Variants in SRGAP3 observed in about 807,000 individuals in gnomAD.
SRGAP3 encodes the protein SLIT-ROBO Rho GTPase-activating protein 3.
In SRGAP3, 39 loss-of-function variants were observed where a neutral mutation model predicts 121.1. That is an observed-to-expected ratio of 0.32 (90% CI 0.25 to 0.42). SRGAP3 has a LOEUF of 0.42. SRGAP3 is among the 10% of genes least tolerant of loss of function. The probability of loss-of-function intolerance (pLI) is 1.00; values close to 1 mark genes in which losing one functional copy is unlikely to be tolerated. For missense variants in SRGAP3, 1,213 were observed against 1,470.6 expected, an observed-to-expected ratio of 0.82 and a Z score of 2.86; for synonymous variants, 601 against 570.0, an observed-to-expected ratio of 1.05 and a Z score of -0.77.
At chr3:9,035,162 A>G (rs1176924219) in intron 11 of SRGAP3, 2 of 152,212 alleles carry the variant, frequency 1.3e-5, no homozygotes, top group African/African-American at 2.4e-5. Context: ...ATCCAGAAGT[A>G]ACATTAAATT....
chr3:9,068,033 T>TCCACATCCACA, intron 4 of SRGAP3, among the ~76,000 whole-genome samples: 1 of 152,202 alleles, frequency 6.6e-6, no homozygotes, highest in Non-Finnish European at 1.5e-5. Context: ...CTTCTCGACA[T>TCCACATCCACA]GTCCCTCCAC....
At chr3:9,084,600 T>C (rs1005884091) in intron 3 of SRGAP3, among the ~76,000 whole-genome samples, 5 of 152,142 alleles carry the variant, frequency 3.3e-5, no homozygotes, top group African/African-American at 1.2e-4. Context: ...CAAGTCACTT[T>C]CAGCTGGGGT....
rs768810116 is a variant in SRGAP3 at position 9,072,380 on chromosome 3, C to A, written c.486+7645G>T. ...TAAGGCACCTGTCATAGTGTGCAGC[C>A]ACATCTCGTGGTCTGGATATGCTGA... On this transcript the variant is annotated intron_variant, in intron 4 of 21. Transcript: ENST00000383836. 5.0e-4 allele frequency among the ~76,000 whole-genome samples: 76 copies of A among 152,244 alleles called. 4 individuals are homozygous for A. The highest frequency in any genetic ancestry group is 1.5e-4 in the Non-Finnish European group (10 of 68,044).
At chr3:9,255,769 C>T (rs1444104376) in intron 3 of SRGAP3, among the ~76,000 whole-genome samples, 2 of 152,160 alleles carry the variant, frequency 1.3e-5, no homozygotes, top group African/African-American at 2.4e-5. Flanking sequence ...CTAACGAAAA[C>T]AATGCAGGAA....
intron 1 of SRGAP3, among the ~76,000 whole-genome samples, chr3:9,199,199 T>C (rs567288191): frequency 3.9e-5 from 6 of 152,328 alleles, no homozygotes; most frequent in Non-Finnish European, 7.3e-5. Context: ...GCATTTGCAA[T>C]GGGCTTAATC....
chr3:9,253,133 G>A (rs566054980), upstream of SRGAP3, among the ~76,000 whole-genome samples: 25 of 152,220 alleles, frequency 1.6e-4, no homozygotes, highest in African/African-American at 5.5e-4. Context: ...TTGGGTAAAC[G>A]GAGGCCAAGA....
chr3:9,079,873 A>G, intron 4 of SRGAP3, 152 bp downstream of exon 4: 1 of 710,496 alleles, frequency 1.4e-6, no homozygotes, highest in Non-Finnish European at 2.4e-6. Flanking sequence ...GTGAGTCATT[A>G]CATCCTGACA....
intron 1 of SRGAP3, among the ~76,000 whole-genome samples, chr3:9,188,798 C>A (rs901255985): frequency 6.6e-6 from 1 of 152,166 alleles, no homozygotes; most frequent in Non-Finnish European, 1.5e-5. Flanking sequence ...ATAATTAGTG[C>A]ATGATAATAA....
chr3:9,276,208 C>A (rs1465162655), intron 3 of SRGAP3, among the ~76,000 whole-genome samples: 3 of 152,200 alleles, frequency 2.0e-5, no homozygotes, highest in Non-Finnish European at 2.9e-5. Flanking sequence ...GAGCCCAGGT[C>A]AGCCACTCTT....
At chr3:8,992,721 G>T (rs1574860824) in intron 20 of SRGAP3, 185 bp downstream of exon 20, 3 of 902,746 alleles carry the variant, frequency 3.3e-6, no homozygotes, top group East Asian at 5.1e-5. Flanking sequence ...AACACAGGCT[G>T]GATGGTTCTA....
chr3:9,075,071 A>AT (rs1166411564), intron 4 of SRGAP3, among the ~76,000 whole-genome samples: 1 of 152,222 alleles, frequency 6.6e-6, no homozygotes, highest in East Asian at 1.9e-4. Flanking sequence ...ATCTGAACAC[A>AT]TTTTTAGCCG....
At chr3:9,028,271 C>A in intron 12 of SRGAP3, 1 of 1,202,688 alleles carries the variant, frequency 8.3e-7, no homozygotes, top group Non-Finnish European at 1.2e-6. Flanking sequence ...CCTGGGGAGC[C>A]TGCCAAACAG....
At chr3:9,007,699 C>T (rs924112041) in intron 18 of SRGAP3, 1 of 152,112 alleles carries the variant, frequency 6.6e-6, no homozygotes, top group Admixed American at 6.6e-5. Context: ...CATTTTAACC[C>T]ATGCCATAAT....
At chr3:9,123,707 A>AATATAT (rs368589354) in intron 2 of SRGAP3, among the ~76,000 whole-genome samples, 4 of 137,706 alleles carry the variant, frequency 2.9e-5, no homozygotes, top group African/African-American at 5.5e-5. Context: ...TCTGTCTCAA[A>AATATAT]ATATATATAT....
intron 18 of SRGAP3, chr3:9,008,060 C>G (rs888973246): frequency 1.3e-5 from 2 of 152,180 alleles, no homozygotes; most frequent in Admixed American, 6.5e-5. Flanking sequence ...ATTTTTCCTG[C>G]CTTTGTCATT....
intron 3 of SRGAP3, among the ~76,000 whole-genome samples, chr3:9,096,201 T>C (rs80052096): frequency 0.017 from 2,645 of 152,296 alleles, 79 homozygotes; most frequent in African/African-American, 0.06. Context: ...TTTGAAATTA[T>C]TTTTTTAAAA....
intron 1 of SRGAP3, among the ~76,000 whole-genome samples, chr3:9,187,517 G>A (rs769931572): frequency 9.2e-5 from 14 of 151,974 alleles, no homozygotes; most frequent in African/African-American, 4.8e-5. Flanking sequence ...ATCACAAATC[G>A]AGCAGTCTTA....
intron 7 of SRGAP3, 102 bp downstream of exon 7, chr3:9,058,149 C>G: frequency 7.7e-7 from 1 of 1,297,514 alleles, no homozygotes; most frequent in Non-Finnish European, 1.1e-6. Flanking sequence ...CCCCAGGCGT[C>G]GGATAGAAAC....
intron 1 of SRGAP3, among the ~76,000 whole-genome samples, chr3:9,161,126 C>G (rs970859106): frequency 3.3e-5 from 5 of 152,172 alleles, no homozygotes; most frequent in Admixed American, 2.6e-4. Context: ...TTTATGCAGT[C>G]TCAAAGGAGT....
Sources: allele counts gnomAD v4.1 joint callset (sites outside exome capture counted in the v4.1 genomes callset), GRCh38; gene constraint gnomAD v4.1.1; transcripts MANE v1.5; gene names NCBI Gene and HGNC (gene_info 2026-07-23, HGNC 2026-07-21).